ANO2: variants seen among roughly 807,000 people sequenced by gnomAD.
ANO2 encodes the protein anoctamin-2.
In ANO2, 101 loss-of-function variants were observed where a neutral mutation model predicts 124.2. The observed-to-expected ratio is 0.81, with a 90% confidence interval of 0.69 to 0.96. The LOEUF is 0.96. Ranked by LOEUF, ANO2 falls within the 40% of genes least tolerant of loss-of-function variation. The probability of loss-of-function intolerance (pLI) is 0.00; values close to 1 mark genes in which losing one functional copy is unlikely to be tolerated. For missense variants in ANO2, 1,293 were observed against 1,274.5 expected (o/e 1.01, Z -0.22); for synonymous variants, 486 against 482.5 (o/e 1.01, Z -0.09).
intron 14 of ANO2, among the ~76,000 whole-genome samples, chr12:5,712,690 C>T (rs1213145245): frequency 6.6e-6 from 1 of 152,130 alleles, no homozygotes; most frequent in Non-Finnish European, 1.5e-5. Flanking sequence ...GCTAAGCCTG[C>T]CCAGAGAGTG....
intron 16 of ANO2, among the ~76,000 whole-genome samples, chr12:5,624,182 C>G (rs1945271559): frequency 6.6e-6 from 1 of 151,900 alleles, no homozygotes; most frequent in Non-Finnish European, 1.5e-5. Flanking sequence ...GCCAGGGTGA[C>G]AGCACCCCCA....
intron 3 of ANO2, among the ~76,000 whole-genome samples, chr12:5,887,072 G>A (rs1053188487): frequency 1.3e-5 from 2 of 152,120 alleles, no homozygotes; most frequent in African/African-American, 4.8e-5. Flanking sequence ...TTTTGAAACG[G>A]CTAAAATGGT....
intron 3 of ANO2, among the ~76,000 whole-genome samples, chr12:5,899,487 C>T (rs959846476): frequency 2.4e-4 from 37 of 152,288 alleles, no homozygotes; most frequent in Admixed American, 1.3e-4. Flanking sequence ...GCTTCACCTC[C>T]GCAAGCCTCT....
chr12:5,698,559 G>A lies in ANO2; in HGVS notation c.1545+33961C>T, dbSNP rs534637065. On this transcript the variant is annotated intron_variant, in intron 14 of 24. Coordinates refer to ENST00000682330, the MANE Select transcript of ANO2 (RefSeq NM_001364791.2). ...AGTACCTCTTCTCCTCCAAAGGAAC[G>A]CAGCTCCTTGCCAGCAATGGAAAAA... Among the ~76,000 whole-genome samples, 37 of 152,324 alleles carry A rather than the reference G, an allele frequency of 2.4e-4. 2 individuals are homozygous for A. Among genetic ancestry groups the A allele is most frequent in the Admixed American group, 2.0e-3 (31 of 15,306 alleles).
intron 1 of ANO2, among the ~76,000 whole-genome samples, chr12:5,943,041 T>C (rs1233588804): frequency 6.6e-6 from 1 of 152,092 alleles, no homozygotes; most frequent in Non-Finnish European, 1.5e-5. Context: ...ACAACCACTA[T>C]AGAAAAACAG....
intron 20 of ANO2, among the ~76,000 whole-genome samples, chr12:5,586,099 C>A (rs1327075539): frequency 6.6e-6 from 1 of 152,176 alleles, no homozygotes; most frequent in Non-Finnish European, 1.5e-5. Flanking sequence ...TCCCTCCATT[C>A]CTTCCTTCCC....
chr12:5,751,515 G>A (rs1452431850), intron 10 of ANO2, among the ~76,000 whole-genome samples: 2 of 152,096 alleles, frequency 1.3e-5, no homozygotes, highest in African/African-American at 4.8e-5. Context: ...CTTATGGGTG[G>A]TTTTTATTTC....
intron 16 of ANO2, among the ~76,000 whole-genome samples, chr12:5,628,578 T>C (rs957098937): frequency 1.1e-4 from 16 of 152,168 alleles, no homozygotes; most frequent in African/African-American, 3.9e-4. Context: ...AGTATTAAGA[T>C]TACCTACCCT....
chr12:5,647,855 A>G (rs1028045764), intron 14 of ANO2, 54 bp from the exon 15 acceptor site: 2 of 1,348,520 alleles, frequency 1.5e-6, no homozygotes, highest in Admixed American at 1.9e-5. Flanking sequence ...AACAGATATT[A>G]ATTTGCTCTC....
chr12:5,809,452 G>A lies in ANO2; in HGVS notation c.893-2084C>T, dbSNP rs1333595965. Among the ~76,000 whole-genome samples the A allele has an allele frequency of 3.3e-5, 5 of 152,274 alleles. No individual in the cohort carries two copies. In the Middle Eastern group the frequency reaches 0.01, roughly 311 times the overall value. On this transcript the variant is annotated intron_variant, in intron 7 of 24. Coordinates refer to ENST00000682330, the MANE Select transcript of ANO2 (RefSeq NM_001364791.2). ...CATACAGTCACACCCCACAGTTGCT[G>A]TGGCAGCTGTATATACCCTTAAGAC...
At chr12:5,595,221 T>C (rs2136874934) in intron 20 of ANO2, among the ~76,000 whole-genome samples, 1 of 152,186 alleles carries the variant, frequency 6.6e-6, no homozygotes. Context: ...TTTTTAGAGA[T>C]GGGGTGTCAC....
chr12:5,658,183 C>T lies in ANO2; in HGVS notation c.1546-10382G>A, dbSNP rs777104983. ...CTGGGTTCAATTCCCAGCTTGCACG[C>T]TAATTGAACGTGTGACTTCAGGCAT... On this transcript the variant is annotated intron_variant, in intron 14 of 24. Coordinates refer to ENST00000682330, the MANE Select transcript of ANO2 (RefSeq NM_001364791.2). This position sits in a 1 kb window ranked among gnomAD's most constrained non-coding sequence, Gnocchi z 4.3. Among the ~76,000 whole-genome samples the T allele has an allele frequency of 1.3e-5, 2 of 152,130 alleles. No individual in the cohort carries two copies. The highest frequency in any genetic ancestry group is 2.4e-5 in the African/African-American group (1 of 41,418).
At chr12:5,610,866 A>C in intron 19 of ANO2, among the ~76,000 whole-genome samples, 4 of 143,154 alleles carry the variant, frequency 2.8e-5, no homozygotes, top group African/African-American at 2.6e-5. Context: ...ACACAACCCT[A>C]AGGGAAATTA....
chr12:5,725,111 ACAC>A (rs1950386677), intron 14 of ANO2, among the ~76,000 whole-genome samples: 1 of 148,392 alleles, frequency 6.7e-6, no homozygotes, highest in South Asian at 2.1e-4. Flanking sequence ...ACACACACAC[ACAC>A]ACACACACAC....
At chr12:5,814,497 C>G (rs1953538330) in intron 7 of ANO2, among the ~76,000 whole-genome samples, 3 of 152,224 alleles carry the variant, frequency 2.0e-5, no homozygotes, top group African/African-American at 7.2e-5. Context: ...TTTAAAATAC[C>G]TTCCCACTCC....
intron 14 of ANO2, among the ~76,000 whole-genome samples, chr12:5,664,593 C>T (rs917349622): frequency 6.6e-6 from 1 of 152,172 alleles, no homozygotes; most frequent in African/African-American, 2.4e-5. Flanking sequence ...TACACTAGTA[C>T]ACTAGTAAAC....
At chr12:5,890,919 A>G (rs887232555) in intron 3 of ANO2, among the ~76,000 whole-genome samples, 1 of 152,042 alleles carries the variant, frequency 6.6e-6, no homozygotes, top group Non-Finnish European at 1.5e-5. Context: ...CCTTTCCCAT[A>G]TTTTACAAGT....
chr12:5,588,599 C>T (rs538190401), intron 20 of ANO2, among the ~76,000 whole-genome samples: 4 of 152,334 alleles, frequency 2.6e-5, no homozygotes, highest in Non-Finnish European at 4.4e-5. Flanking sequence ...TGGTCTGAAA[C>T]TTATTATTCC....
At chr12:5,576,918 CATCATG>C (rs1942446077) in intron 22 of ANO2, among the ~76,000 whole-genome samples, 1 of 152,200 alleles carries the variant, frequency 6.6e-6, no homozygotes, top group East Asian at 1.9e-4. Flanking sequence ...TATGTCCTTT[CATCATG>C]CCATTTAATT....
Sources: allele counts gnomAD v4.1 joint callset (sites outside exome capture counted in the v4.1 genomes callset), GRCh38; gene constraint gnomAD v4.1.1; non-coding constraint Gnocchi (gnomAD v3.1); transcripts MANE v1.5; gene names NCBI Gene and HGNC (gene_info 2026-07-23, HGNC 2026-07-21).